CDK19: variants seen among roughly 807,000 people sequenced by gnomAD.
CDK19 encodes cyclin dependent kinase 19.
A neutral mutation model predicts 68.3 loss-of-function variants in CDK19; 20 were observed. The ratio of observed to expected loss-of-function variants is 0.29; its 90% CI spans 0.21 to 0.43. The LOEUF (loss-of-function observed/expected upper bound fraction) is 0.43, where lower values mean the gene tolerates loss of function less well. CDK19 is among the 20% of genes least tolerant of loss of function. The pLI, the probability that CDK19 is intolerant of heterozygous loss-of-function variation, is 1.00. For missense variants in CDK19, 339 were observed against 623.5 expected (o/e 0.54, Z 4.86); for synonymous variants, 221 against 222.8 (o/e 0.99, Z 0.07).
rs1442339848 is a variant in CDK19, at chr6:110,667,650, C to A, written c.316-76G>T. Reference sequence around the variant, plus strand: ...CAATAAAACACAATCAATGCTGTAACAAATGCTCTATATTTTAAAATTACT... The same window carrying A: ...CAATAAAACACAATCAATGCTGTAAAAAATGCTCTATATTTTAAAATTACT... On this transcript the variant is annotated intron_variant, in intron 3 of 12. Coordinates refer to ENST00000368911, the MANE Select transcript of CDK19 (RefSeq NM_015076.5). 7.1e-6 allele frequency: 5 copies of A among 699,456 alleles called. No homozygotes were observed. In the East Asian group the frequency reaches 9.5e-5, roughly 13 times the overall value. 43.3% of individuals were successfully genotyped at this position (699,456 alleles called of 1,614,324 possible). A position where few individuals can be genotyped will look rare whatever the true frequency, so the allele number is the denominator to read the frequency against.
chr6:110,795,567 T>C (rs1445170518), intron 1 of CDK19, among the ~76,000 whole-genome samples: 1 of 152,178 alleles, frequency 6.6e-6, no homozygotes, highest in East Asian at 1.9e-4. Context: ...TTGTTAGTAG[T>C]AGTGGAGAAA....
At chr6:110,807,521 G>A (rs181764365) in intron 1 of CDK19, among the ~76,000 whole-genome samples, 1 of 152,234 alleles carries the variant, frequency 6.6e-6, no homozygotes, top group Admixed American at 6.5e-5. Context: ...GTGCAGTGGT[G>A]CAATATTAGC....
intron 2 of CDK19, among the ~76,000 whole-genome samples, chr6:110,694,209 T>C (rs1160792693): frequency 6.6e-6 from 1 of 151,990 alleles, no homozygotes; most frequent in African/African-American, 2.4e-5. Context: ...ACAGAATGCA[T>C]AAAAACCCAC....
At chr6:110,791,552 G>A (rs1781595562) in intron 1 of CDK19, among the ~76,000 whole-genome samples, 1 of 152,106 alleles carries the variant, frequency 6.6e-6, no homozygotes, top group African/African-American at 2.4e-5. Flanking sequence ...GCATTTTGGA[G>A]AAAAGTAGGT....
intron 1 of CDK19, among the ~76,000 whole-genome samples, chr6:110,756,760 T>C (rs866331625): frequency 4.6e-5 from 7 of 152,208 alleles, no homozygotes; most frequent in Middle Eastern, 3.2e-3. Context: ...CTGAGATTTC[T>C]AGTCAAAGTG....
At chr6:110,804,640 C>A (rs1782553145) in intron 1 of CDK19, among the ~76,000 whole-genome samples, 1 of 150,602 alleles carries the variant, frequency 6.6e-6, no homozygotes, top group African/African-American at 2.4e-5. Flanking sequence ...GCCACCACAC[C>A]CCGCCAAGTT....
chr6:110,721,724 T>C (rs1024833835), intron 2 of CDK19, among the ~76,000 whole-genome samples: 2 of 152,054 alleles, frequency 1.3e-5, no homozygotes, highest in Non-Finnish European at 2.9e-5. Context: ...CCAGCACTTT[T>C]GGAGGCCGAG....
At chr6:110,721,992 C>T (rs2114747237) in intron 2 of CDK19, among the ~76,000 whole-genome samples, 2 of 152,150 alleles carry the variant, frequency 1.3e-5, no homozygotes, top group South Asian at 4.1e-4. Context: ...TCAAAGGACA[C>T]ACAAGTTTAT....
chr6:110,743,488 A>T (rs1338864386), intron 2 of CDK19, among the ~76,000 whole-genome samples: 1 of 152,118 alleles, frequency 6.6e-6, no homozygotes, highest in African/African-American at 2.4e-5. Flanking sequence ...CTAAAATACA[A>T]AAAATGAGCT....
chr6:110,695,382 T>C (rs1773388574), intron 2 of CDK19, among the ~76,000 whole-genome samples: 1 of 152,134 alleles, frequency 6.6e-6, no homozygotes, highest in South Asian at 2.1e-4. Context: ...TTCATAGCAT[T>C]AAATGCCTAA....
Position 110,743,076 on chromosome 6 carries a change from C to G in CDK19, c.204+3050G>C, listed in dbSNP as rs573047156. Among the ~76,000 whole-genome samples the G allele has an allele frequency of 5.1e-4, 77 of 152,240 alleles. 3 individuals carry two copies. The South Asian group carries it at 9.3e-3, about 18-fold the overall frequency. ...CTCTTTGTACTCTTTCTCTTTATTT[C>G]TCAGACCGGCTGACACTTACGGAAA... On this transcript the variant is annotated intron_variant, in intron 2 of 12. Coordinates refer to ENST00000368911, the MANE Select transcript of CDK19 (RefSeq NM_015076.5).
At chr6:110,647,934 A>G (rs1005898784) in intron 4 of CDK19, among the ~76,000 whole-genome samples, 5 of 152,192 alleles carry the variant, frequency 3.3e-5, no homozygotes, top group South Asian at 4.1e-4. Flanking sequence ...GAGAAAATCT[A>G]TGGAAGTTTA....
At chr6:110,781,467 T>C (rs1002584514) in intron 1 of CDK19, among the ~76,000 whole-genome samples, 2 of 152,072 alleles carry the variant, frequency 1.3e-5, no homozygotes, top group Non-Finnish European at 2.9e-5. Context: ...AACCTGAGAT[T>C]TGGAGGGGAC....
intron 8 of CDK19, among the ~76,000 whole-genome samples, chr6:110,623,851 C>CAT (rs1191122076): frequency 1.4e-5 from 2 of 143,410 alleles, no homozygotes; most frequent in South Asian, 2.2e-4. Flanking sequence ...CACATATATA[C>CAT]ATATATATAC....
intron 1 of CDK19, among the ~76,000 whole-genome samples, chr6:110,772,997 C>T (rs1422487520): frequency 6.8e-6 from 1 of 146,770 alleles, no homozygotes; most frequent in East Asian, 2.0e-4. Context: ...GGGCAGATCG[C>T]TTGAGCCCAG....
At chr6:110,719,455 T>C (rs934051622) in intron 2 of CDK19, among the ~76,000 whole-genome samples, 5 of 152,202 alleles carry the variant, frequency 3.3e-5, no homozygotes, top group African/African-American at 7.2e-5. Flanking sequence ...GCATGGGAGA[T>C]GGAAGCTGCA....
At chr6:110,618,762 T>C (rs1381339565) in intron 12 of CDK19, among the ~76,000 whole-genome samples, 1 of 152,170 alleles carries the variant, frequency 6.6e-6, no homozygotes, top group Non-Finnish European at 1.5e-5. Flanking sequence ...ATTTGGCACA[T>C]AGCTCCCTCC....
Position 110,638,692 on chromosome 6 carries a change from G to A in CDK19, c.471C>T (p.Ile157=). 6.5e-7 allele frequency: 1 copy of A among 1,539,684 alleles called. No individual in the cohort carries two copies. Among genetic ancestry groups the A allele is most frequent in the East Asian group, 2.3e-5 (1 of 44,170 alleles). The change falls in exon 5 of 13, where the codon ATC becomes ATT. Residue 157 remains isoleucine (I), a synonymous_variant. Transcript: ENST00000368911. ...VLHRDLKPAN[I]LVMGEGPERG... Reference sequence around the variant, plus strand: ...TCTCAGGACCTTCTCCCATTACTAGGATATTTGCTGGTTTCTAGAAATAAA... The same window carrying A: ...TCTCAGGACCTTCTCCCATTACTAGAATATTTGCTGGTTTCTAGAAATAAA...
chr6:110,672,814 A>G (rs1036224225), intron 2 of CDK19, among the ~76,000 whole-genome samples: 1 of 152,188 alleles, frequency 6.6e-6, no homozygotes, highest in Non-Finnish European at 1.5e-5. Context: ...ATTTGGCATA[A>G]AAGAAAAATT....
Sources: gnomAD v4.1 joint callset for allele counts (sites outside exome capture counted in the v4.1 genomes callset) on GRCh38, gnomAD v4.1.1 for gene constraint, MANE v1.5 for transcripts, NCBI Gene and HGNC (gene_info 2026-07-23, HGNC 2026-07-21) for gene names.